The following BOD1L1 variants were observed in gnomAD, a reference collection of about 807,000 sequenced individuals.
BOD1L1 encodes biorientation of chromosomes in cell division 1 like 1, also known as biorientation of chromosomes in cell division protein 1-like 1.
BOD1L1 carries 86 observed loss-of-function variants against 240.7 expected under a neutral mutation model. That is an observed-to-expected ratio of 0.36 (90% CI 0.30 to 0.43). BOD1L1 has a LOEUF of 0.43. BOD1L1 is among the 20% of genes least tolerant of loss of function. The pLI is 1.00. For synonymous variants in BOD1L1, 1,268 were observed against 1,272.3 expected (o/e 1.00, Z 0.07); for missense variants, 3,554 against 3,643.5 (o/e 0.98, Z 0.63).
Position 13,602,764 on chromosome 4 carries a change from T to G in BOD1L1, c.4136A>C (p.Gln1379Pro). The change falls in exon 10 of 26, where the codon CAA becomes CCA. Residue 1379 changes from glutamine to proline, a missense_variant. Physicochemically the swap from Gln to Pro is moderately conservative, Grantham distance 76 (BLOSUM62 -1). This residue lies in a region of BOD1L1 where 3,393 missense variants were observed against 3,427.1 expected (regional missense o/e 0.99). Transcript: ENST00000040738. ...AHQATLLDGK[Q>P]GKVIMPLGSK... ...TCCAAGAGGCATGATTACCTTTCCT[T>G]GTTTACCATCCAATAAAGTAGCCTG... 1.2e-6 allele frequency: 2 copies of G among 1,614,016 alleles called. No individual in the cohort carries two copies. The highest frequency in any genetic ancestry group is 1.7e-6 in the Non-Finnish European group (2 of 1,179,882).
Position 13,613,393 on chromosome 4 carries a change from A to G in BOD1L1, c.1324+119T>C. The G allele has an allele frequency of 3.1e-6, 3 of 979,242 alleles. No individual in the cohort carries two copies. The South Asian group carries it at 8.0e-5, about 26-fold the overall frequency. The allele number at this position is 979,242 out of a possible 1,614,324, so 60.7% of individuals were successfully genotyped here. On this transcript the variant is annotated intron_variant, in intron 5 of 25. Transcript: ENST00000040738. The surrounding 1 kb of genome is among the most constrained non-coding windows in gnomAD (Gnocchi z 4.0). ...CTGGGACTCAGAAACAAATCTTCCA[A>G]CTACAAAATCCCATGCTCTTGCTAC...
intron 12 of BOD1L1, 142 bp downstream of exon 12, chr4:13,595,718 C>A (rs1482785238): frequency 1.0e-5 from 6 of 572,558 alleles, no homozygotes; most frequent in Non-Finnish European, 1.8e-5. Flanking sequence ...GTAAAGAATT[C>A]TCCCTAATCT....
At chr4:13,573,410 T>TTCTATCTA (rs1384122887) in intron 25 of BOD1L1, among the ~76,000 whole-genome samples, 2 of 141,348 alleles carry the variant, frequency 1.4e-5, no homozygotes, top group African/African-American at 5.1e-5. Context: ...CAGAGTTTGC[T>TTCTATCTA]TCTATCTATC....
At position 13,597,090 on chromosome 4, in the gene BOD1L1, A is replaced by C; in HGVS notation, c.8019+14T>G. On this transcript the variant is annotated intron_variant, in intron 11 of 25. Transcript: ENST00000040738. ...ATCACTTACAGTTCAGCACAGCTGA[A>C]TTATAAGCCATACCTCCATTTTCAA... 6.3e-7 allele frequency: 1 copy of C among 1,575,292 alleles called. No homozygotes were observed. Among genetic ancestry groups the C allele is most frequent in the Middle Eastern group, 1.7e-4 (1 of 5,958 alleles).
At chr4:13,574,209 C>T (rs1397658150) in intron 25 of BOD1L1, among the ~76,000 whole-genome samples, 1 of 152,158 alleles carries the variant, frequency 6.6e-6, no homozygotes, top group African/African-American at 2.4e-5. Flanking sequence ...TTCCCTGCCA[C>T]TGAGGTCCAT....
chr4:13,571,653 G>C (rs1712214418), intron 25 of BOD1L1, among the ~76,000 whole-genome samples: 1 of 152,192 alleles, frequency 6.6e-6, no homozygotes, highest in Non-Finnish European at 1.5e-5. Flanking sequence ...GGTCTGTGAG[G>C]AGGGGCATTG....
intron 22 of BOD1L1, 98 bp downstream of exon 22, chr4:13,579,830 C>T: frequency 1.1e-6 from 1 of 949,548 alleles, no homozygotes; most frequent in East Asian, 2.7e-5. Flanking sequence ...CCACCCACTT[C>T]AATGAGAGGC....
rs1430991043 is a variant in BOD1L1, at chr4:13,601,570, C to T, written c.5330G>A (p.Gly1777Glu). 3.7e-6 allele frequency: 6 copies of T among 1,614,048 alleles called. No homozygotes were observed. The East Asian group carries it at 1.1e-4, about 30-fold the overall frequency. Residue 1777 changes from glycine (G) to glutamate (E), a missense_variant, in exon 10 of 26, where the codon GGA becomes GAA. Transcript: ENST00000040738. ...APPGTSASQEGDGSVNDGTEG... is the reference protein window; with the variant it reads ...APPGTSASQEEDGSVNDGTEG... ...TGTACCATCATTCACAGAACCATCT[C>T]CTTCTTGGCTGGCACTTGTTCCTGG...
In BOD1L1 at chr4:13,602,078, T is replaced by C. The variant is rs2108949276; in HGVS notation, c.4822A>G (p.Thr1608Ala). Residue 1608 changes from threonine to alanine, a missense_variant, in exon 10 of 26, where the codon ACA becomes GCA. By Grantham distance (58) the Thr-to-Ala change is moderately conservative. Coordinates refer to ENST00000040738, the MANE Select transcript of BOD1L1 (RefSeq NM_148894.3). Reference protein sequence around the residue: ...EGFAESETFLTSTKEGESGEC... With the variant: ...EGFAESETFLASTKEGESGEC... ...CCACTTTCCCCTTCCTTAGTGCTTGTGAGGAAGGTTTCACTTTCAGCAAAT... is the reference window on the plus strand; with the variant it reads ...CCACTTTCCCCTTCCTTAGTGCTTGCGAGGAAGGTTTCACTTTCAGCAAAT... 2 of 1,614,044 alleles carry C rather than the reference T, an allele frequency of 1.2e-6. No homozygotes were observed. Among genetic ancestry groups the C allele is most frequent in the Middle Eastern group, 3.3e-4 (2 of 6,062 alleles).
At chr4:13,592,483 C>A (rs571554486) in intron 12 of BOD1L1, 2 of 152,616 alleles carry the variant, frequency 1.3e-5, no homozygotes, top group African/African-American at 4.8e-5. Flanking sequence ...GTAAGTAGAT[C>A]TCTTACTGAA....
Position 13,604,326 on chromosome 4 carries a change from C to G in BOD1L1, c.2574G>C (p.Lys858Asn). 1.3e-6 allele frequency: 2 copies of G among 1,588,422 alleles called. No individual in the cohort carries two copies. The highest frequency in any genetic ancestry group is 1.7e-6 in the Non-Finnish European group (2 of 1,172,220). ...SKIQKDSLGS[K>N]QHGITLQRRS... ...TTCTCTGTAATGTGATACCATGTTG[C>G]TTGGAACCCAGAGAATCTTTCTGAA... Residue 858 changes from lysine (K) to asparagine (N), a missense_variant, in exon 10 of 26, where the codon AAG (lysine) becomes AAC (asparagine). Physicochemically the swap from Lys to Asn is moderately conservative, Grantham distance 94. Coordinates refer to ENST00000040738, the MANE Select transcript of BOD1L1 (RefSeq NM_148894.3).
chr4:13,601,743 G>T lies in BOD1L1; in HGVS notation c.5157C>A (p.Pro1719=), dbSNP rs778186543. Residue 1719 remains proline (P), a synonymous_variant, in exon 10 of 26, where the codon CCC becomes CCA. Coordinates refer to ENST00000040738, the MANE Select transcript of BOD1L1 (RefSeq NM_148894.3). The part of the protein sequence containing the change: ...GSQGNMMRMG[P]KKETEGTVTC... The stretch of plus-strand genomic sequence containing the variant: ...TCACAGTGCCCTCTGTTTCTTTTTT[G>T]GGACCCATTCTCATCATATTTCCCT... 6.2e-7 allele frequency: 1 copy of T among 1,613,720 alleles called. No homozygotes were observed. Among genetic ancestry groups the T allele is most frequent in the African/African-American group, 1.3e-5 (1 of 74,930 alleles).
Position 13,579,926 on chromosome 4 carries a change from A to C in BOD1L1, c.8749+2T>G. ...ACACAGAGGAATGCGGTAGGTACAT[A>C]CCTGTTTGCATTACTTTCAGTTTGC... On this transcript the variant is annotated splice_donor_variant, in intron 22 of 25. Transcript: ENST00000040738. LOFTEE classifies it high-confidence loss of function. 1 of 1,560,516 alleles carries C rather than the reference A, an allele frequency of 6.4e-7. No individual in the cohort carries two copies. The highest frequency in any genetic ancestry group is 8.7e-7 in the Non-Finnish European group (1 of 1,150,884).
At chr4:13,605,946 A>G (rs1314332549) in intron 9 of BOD1L1, among the ~76,000 whole-genome samples, 1 of 152,208 alleles carries the variant, frequency 6.6e-6, no homozygotes, top group Non-Finnish European at 1.5e-5. Flanking sequence ...TAGGCGATTA[A>G]TATTAATGAG....
intron 12 of BOD1L1, among the ~76,000 whole-genome samples, chr4:13,595,289 TA>T (rs1714531471): frequency 6.6e-6 from 1 of 152,256 alleles, no homozygotes; most frequent in Non-Finnish European, 1.5e-5. Flanking sequence ...AATTTTTCAG[TA>T]ATTTTTGGTC....
At position 13,599,029 on chromosome 4, in the gene BOD1L1, TCTC is replaced by T; in HGVS notation, c.7868_7870del (p.Gly2623del). Reference sequence around the variant, plus strand: ...GAATGATTTCCTTGTGCTGTTATCATCTCCTGTTTTCTCAGCAGATGCTTGATC... The same window carrying T: ...GAATGATTTCCTTGTGCTGTTATCATCTGTTTTCTCAGCAGATGCTTGATC... On this transcript the variant is annotated inframe_deletion, in exon 10 of 26. Transcript: ENST00000040738. 1.2e-6 allele frequency: 2 copies of T among 1,614,024 alleles called. No individual in the cohort carries two copies. Among genetic ancestry groups the T allele is most frequent in the East Asian group, 2.2e-5 (1 of 44,886 alleles).
At chr4:13,572,972 G>T in intron 25 of BOD1L1, 1 of 727,466 alleles carries the variant, frequency 1.4e-6, no homozygotes, top group Non-Finnish European at 1.9e-6. Context: ...AAAATGGTTG[G>T]TTTTCCTGAC....
intron 10 of BOD1L1, among the ~76,000 whole-genome samples, chr4:13,597,958 A>G (rs1408580327): frequency 6.6e-6 from 1 of 152,208 alleles, no homozygotes; most frequent in Non-Finnish European, 1.5e-5. Context: ...ATTTCAGTTA[A>G]AAGTCCAGGA....
At chr4:13,589,254 G>A (rs926779442) in intron 14 of BOD1L1, among the ~76,000 whole-genome samples, 16 of 152,176 alleles carry the variant, frequency 1.1e-4, no homozygotes, top group Non-Finnish European at 1.3e-4. Context: ...TTTAGCACAT[G>A]CAGTAAAGTT....
Sources: allele counts gnomAD v4.1 joint callset (sites outside exome capture counted in the v4.1 genomes callset), GRCh38; gene constraint gnomAD v4.1.1; regional missense constraint gnomAD v4.1.1; non-coding constraint Gnocchi (gnomAD v3.1); transcripts MANE v1.5; gene names NCBI Gene and HGNC (gene_info 2026-07-23, HGNC 2026-07-21).